Variants in KIF26B observed in about 807,000 individuals in gnomAD.
KIF26B encodes the protein kinesin family member 26B.
KIF26B carries 63 observed loss-of-function variants against 151.2 expected under a neutral mutation model. The ratio of observed to expected loss-of-function variants is 0.42; its 90% confidence interval spans 0.34 to 0.51. The LOEUF is 0.51. KIF26B is among the 20% of genes least tolerant of loss of function. The pLI is 0.07. For missense variants in KIF26B, 2,813 were observed against 2,913.6 expected, an observed-to-expected ratio of 0.97 and a Z score of 0.79; for synonymous variants, 1,357 against 1,262.1, an observed-to-expected ratio of 1.08 and a Z score of -1.59.
intron 10 of KIF26B, among the ~76,000 whole-genome samples, chr1:245,661,663 C>A (rs375045508): frequency 1.3e-5 from 2 of 149,334 alleles, no homozygotes; most frequent in East Asian, 3.9e-4. Context: ...TATATAGACA[C>A]ACACACTCAA....
intron 2 of KIF26B, among the ~76,000 whole-genome samples, chr1:245,210,722 G>A (rs12029871): frequency 6.6e-6 from 1 of 152,106 alleles, no homozygotes; most frequent in Non-Finnish European, 1.5e-5. Flanking sequence ...AGAGCCTGTG[G>A]TAGGCCCTGT....
chr1:245,439,005 AC>A (rs1359884951), intron 4 of KIF26B, among the ~76,000 whole-genome samples: 3 of 152,166 alleles, frequency 2.0e-5, no homozygotes, highest in Admixed American at 6.5e-5. Flanking sequence ...ATATGACAAA[AC>A]TCATCAAAGT....
chr1:245,173,877 G>A (rs1668757988), intron 2 of KIF26B, among the ~76,000 whole-genome samples: 1 of 152,234 alleles, frequency 6.6e-6, no homozygotes, highest in Non-Finnish European at 1.5e-5. Context: ...TGTGACACGG[G>A]CCAGACCCAC....
At chr1:245,577,116 G>A (rs576312348) in intron 5 of KIF26B, among the ~76,000 whole-genome samples, 2 of 152,256 alleles carry the variant, frequency 1.3e-5, no homozygotes, top group Non-Finnish European at 2.9e-5. Context: ...TTTTTAAAAT[G>A]ATCTAATCCA....
intron 4 of KIF26B, among the ~76,000 whole-genome samples, chr1:245,426,795 G>A (rs1658659586): frequency 6.6e-6 from 1 of 152,228 alleles, no homozygotes; most frequent in Admixed American, 6.5e-5. Flanking sequence ...TTCGTGCTGT[G>A]TATCCTCATG....
chr1:245,264,647 C>T (rs1394262470), intron 2 of KIF26B, among the ~76,000 whole-genome samples: 2 of 152,044 alleles, frequency 1.3e-5, no homozygotes, highest in Non-Finnish European at 2.9e-5. Flanking sequence ...GTAATCCCAG[C>T]ACTTTGGGAG....
chr1:245,383,847 A>C (rs1271147774), intron 3 of KIF26B, among the ~76,000 whole-genome samples: 1 of 152,176 alleles, frequency 6.6e-6, no homozygotes, highest in Admixed American at 6.5e-5. Context: ...CTTCTAGAAA[A>C]AGGGCTGCCC....
At chr1:245,691,910 G>T (rs927404577) in intron 12 of KIF26B, among the ~76,000 whole-genome samples, 8 of 152,182 alleles carry the variant, frequency 5.3e-5, no homozygotes, top group Non-Finnish European at 1.2e-4. Context: ...CCATAGCAGG[G>T]TGCAGTGAAT....
intron 6 of KIF26B, 50 bp from the exon 7 acceptor site, chr1:245,607,601 C>A: frequency 6.8e-7 from 1 of 1,462,216 alleles, no homozygotes; most frequent in South Asian, 1.2e-5. Context: ...TTAGTGGTGT[C>A]TCCGCTGCGA....
Position 245,300,454 on chromosome 1 carries a change from T to G in KIF26B, c.466-66380T>G, listed in dbSNP as rs557750361. On this transcript the variant is annotated intron_variant, in intron 2 of 14. Transcript: ENST00000407071. The stretch of plus-strand genomic sequence containing the variant: ...TCCTTTTTAAAAAGGGTTTTCTGTC[T>G]TTGGTTCAAGTTCCTCTTAAAACAC... Among the ~76,000 whole-genome samples, 6 of 152,328 alleles carry G rather than the reference T, an allele frequency of 3.9e-5. No homozygotes were observed. In the South Asian group the frequency reaches 1.2e-3, roughly 32 times the overall value.
intron 2 of KIF26B, among the ~76,000 whole-genome samples, chr1:245,246,112 A>AAAAAAAG (rs1558360154): frequency 6.7e-6 from 1 of 148,448 alleles, no homozygotes; most frequent in Non-Finnish European, 1.5e-5. Context: ...AAAAAAAAAA[A>AAAAAAAG]AAAGAAAGGT....
rs58427858 is a variant in KIF26B, at chr1:245,687,987, G to T, written c.5004G>T (p.Ser1668=). Residue 1668 remains serine (S), a synonymous_variant, in exon 12 of 15, where the codon TCG becomes TCT. Coordinates refer to ENST00000407071, the MANE Select transcript of KIF26B (RefSeq NM_018012.4). This position sits in a 1 kb window ranked among gnomAD's most constrained non-coding sequence, Gnocchi z 4.9. The part of the protein sequence containing the change: ...KLEQLASRSN[S]LGRATVSHYE... ...AGCAGCTGGCCAGCAGAAGCAACTC[G>T]CTGGGCAGGGCGACAGTCAGCCACT... 33,434 of 1,574,508 alleles carry T rather than the reference G, an allele frequency of 0.021. 1,408 individuals are homozygous for T. The highest frequency in any genetic ancestry group is 0.17 in the Admixed American group (8,957 of 54,036).
intron 2 of KIF26B, among the ~76,000 whole-genome samples, chr1:245,235,852 G>A (rs1670095861): frequency 6.6e-6 from 1 of 151,994 alleles, no homozygotes; most frequent in Admixed American, 6.6e-5. Flanking sequence ...AAGTTTTTGA[G>A]TAGTTAGAAT....
chr1:245,536,097 A>T (rs1400652842), intron 4 of KIF26B, among the ~76,000 whole-genome samples: 1 of 152,144 alleles, frequency 6.6e-6, no homozygotes, highest in East Asian at 1.9e-4. Context: ...AGGAAGCTGG[A>T]TGTTCAAACT....
intron 2 of KIF26B, among the ~76,000 whole-genome samples, chr1:245,221,837 T>C (rs114692307): frequency 0.014 from 2,087 of 152,370 alleles, 21 homozygotes; most frequent in Middle Eastern, 0.041. Flanking sequence ...TGATTGTTTT[T>C]ATCCTTTAAA....
At chr1:245,348,001 TA>T (rs1672488491) in intron 2 of KIF26B, among the ~76,000 whole-genome samples, 1 of 152,236 alleles carries the variant, frequency 6.6e-6, no homozygotes, top group Non-Finnish European at 1.5e-5. Context: ...ATTTACCTTC[TA>T]TGCCATAAGT....
At chr1:245,173,515 C>G (rs566298423) in intron 2 of KIF26B, among the ~76,000 whole-genome samples, 1 of 152,120 alleles carries the variant, frequency 6.6e-6, no homozygotes, top group Non-Finnish European at 1.5e-5. Flanking sequence ...CTCCCAAGCA[C>G]GTTACAAGCA....
At chr1:245,398,868 T>C (rs1368476405) in intron 3 of KIF26B, among the ~76,000 whole-genome samples, 1 of 152,108 alleles carries the variant, frequency 6.6e-6, no homozygotes, top group Admixed American at 6.6e-5. Flanking sequence ...CCTTATTCAC[T>C]GTACTCCGTT....
chr1:245,609,598 AC>A, intron 8 of KIF26B, 70 bp downstream of exon 8: 1 of 1,419,576 alleles, frequency 7.0e-7, no homozygotes, highest in Non-Finnish European at 9.3e-7. Flanking sequence ...GGGCAGCTCC[AC>A]CCGTGAATCA....
Sources: allele counts gnomAD v4.1 joint callset (sites outside exome capture counted in the v4.1 genomes callset), GRCh38; gene constraint gnomAD v4.1.1; non-coding constraint Gnocchi (gnomAD v3.1); transcripts MANE v1.5; gene names NCBI Gene and HGNC (gene_info 2026-07-23, HGNC 2026-07-21).